Variants in NEURL1 observed in about 807,000 individuals in gnomAD.
The protein encoded by NEURL1 is E3 ubiquitin-protein ligase NEURL1.
Under a neutral mutation model 41.2 loss-of-function variants are expected in NEURL1, and 26 were observed. That is an observed-to-expected ratio of 0.63 (90% confidence interval 0.46 to 0.87). The LOEUF is 0.87. Among genes scored for constraint, NEURL1 ranks in the 40% least tolerant of loss-of-function variants. The pLI is 0.00. For missense variants in NEURL1, 761 were observed against 871.1 expected (o/e 0.87, Z 1.59); for synonymous variants, 400 against 402.3 (o/e 0.99, Z 0.07).
At chr10:103,570,818 G>C (rs1592231520) in intron 1 of NEURL1, 54 bp from the exon 2 acceptor site, 1 of 1,577,092 alleles carries the variant, frequency 6.3e-7, no homozygotes, top group East Asian at 2.2e-5. Flanking sequence ...GGGGACTCTG[G>C]TCTGGCTCTT....
intron 1 of NEURL1, among the ~76,000 whole-genome samples, chr10:103,533,675 T>C (rs1026793584): frequency 1.2e-4 from 18 of 152,178 alleles, no homozygotes; most frequent in African/African-American, 3.4e-4. Flanking sequence ...TAGCTGGGAC[T>C]ACAGGCGCCC....
chr10:103,521,208 G>T (rs1259798546), intron 1 of NEURL1, among the ~76,000 whole-genome samples: 1 of 152,140 alleles, frequency 6.6e-6, no homozygotes, highest in African/African-American at 2.4e-5. Context: ...CAAAGCCCGA[G>T]AAACTGCTTG....
At chr10:103,517,903 C>T (rs540334476) in intron 1 of NEURL1, among the ~76,000 whole-genome samples, 2 of 152,230 alleles carry the variant, frequency 1.3e-5, no homozygotes, top group Non-Finnish European at 2.9e-5. Flanking sequence ...GCTCTGCTCC[C>T]GTGGGCCTCA....
intron 1 of NEURL1, among the ~76,000 whole-genome samples, chr10:103,567,390 C>A (rs1223875772): frequency 6.6e-6 from 1 of 151,916 alleles, no homozygotes; most frequent in Non-Finnish European, 1.5e-5. Context: ...GCTATTAATG[C>A]CTTTTAATTT....
intron 3 of NEURL1, among the ~76,000 whole-genome samples, chr10:103,577,379 T>C (rs1175840154): frequency 6.6e-6 from 1 of 152,208 alleles, no homozygotes; most frequent in African/African-American, 2.4e-5. Context: ...TTGAGTCATG[T>C]ATTGTCCTGC....
intron 3 of NEURL1, among the ~76,000 whole-genome samples, chr10:103,575,933 T>C (rs1482355294): frequency 6.6e-6 from 1 of 152,248 alleles, no homozygotes; most frequent in Non-Finnish European, 1.5e-5. Flanking sequence ...GAAATGTCAA[T>C]TCAGGAAGAG....
chr10:103,511,342 T>C (rs1402041670), intron 1 of NEURL1, among the ~76,000 whole-genome samples: 2 of 152,138 alleles, frequency 1.3e-5, no homozygotes, highest in Non-Finnish European at 2.9e-5. Flanking sequence ...CTGAGAGGCC[T>C]GGGGGTCCCA....
chr10:103,582,227 A>G (rs1428132651), intron 3 of NEURL1, among the ~76,000 whole-genome samples: 1 of 152,024 alleles, frequency 6.6e-6, no homozygotes, highest in Non-Finnish European at 1.5e-5. Flanking sequence ...TGAAGTTCCC[A>G]AGGGTCAGTG....
At chr10:103,570,730 TG>T (rs2035521851) in intron 1 of NEURL1, 141 bp from the exon 2 acceptor site, 1 of 1,360,344 alleles carries the variant, frequency 7.4e-7, no homozygotes, top group Non-Finnish European at 1.0e-6. Flanking sequence ...AGAAGGATGG[TG>T]GCAAGGGGTG....
At chr10:103,588,833 C>G (rs1029973586) in intron 4 of NEURL1, 1 of 444,398 alleles carries the variant, frequency 2.3e-6, no homozygotes, top group Non-Finnish European at 4.5e-6. Flanking sequence ...ATGATCCCAA[C>G]TACTCAGGAG....
At chr10:103,526,501 G>GTTTTC (rs569357576) in intron 1 of NEURL1, among the ~76,000 whole-genome samples, 103 of 151,658 alleles carry the variant, frequency 6.8e-4, no homozygotes, top group Admixed American at 2.1e-3. Flanking sequence ...TTTCTGCTAG[G>GTTTTC]TTTTCTTTTC....
At chr10:103,555,173 C>G in intron 1 of NEURL1, 1 of 364,984 alleles carries the variant, frequency 2.7e-6, no homozygotes, top group Non-Finnish European at 3.8e-6. Flanking sequence ...GCGCGTGTGG[C>G]CGGCTGGCCG....
intron 1 of NEURL1, among the ~76,000 whole-genome samples, chr10:103,550,225 G>A (rs2035005923): frequency 6.6e-6 from 1 of 152,328 alleles, no homozygotes; most frequent in South Asian, 2.1e-4. Context: ...GACCATCATG[G>A]AAACCAAGAT....
chr10:103,494,459 C>A lies in NEURL1; in HGVS notation c.72C>A (p.Pro24=), dbSNP rs1315964721. ...GNPSRAPRGH[P]QNLKDSIGGP... ...CGAGCCGCGCGCCGCGGGGCCACCC[C>A]CAGAACCTCAAAGGTAGGCTCCCCG... is the stretch of plus-strand genomic sequence containing the variant. Residue 24 remains proline, a synonymous_variant, in exon 1 of 6, where the codon CCC becomes CCA. Coordinates refer to ENST00000369780, the MANE Select transcript of NEURL1 (RefSeq NM_004210.5). 6.3e-7 allele frequency: 1 copy of A among 1,588,784 alleles called. No individual in the cohort carries two copies. Among genetic ancestry groups the A allele is most frequent in the South Asian group, 1.1e-5 (1 of 87,632 alleles).
At chr10:103,582,309 C>G (rs534744030) in intron 3 of NEURL1, among the ~76,000 whole-genome samples, 3 of 152,202 alleles carry the variant, frequency 2.0e-5, no homozygotes, top group Non-Finnish European at 4.4e-5. Context: ...GGCTTTCCCC[C>G]ACTCTGCACC....
intron 1 of NEURL1, among the ~76,000 whole-genome samples, chr10:103,517,661 A>C (rs2034247722): frequency 6.6e-6 from 1 of 152,238 alleles, no homozygotes; most frequent in African/African-American, 2.4e-5. Flanking sequence ...ATCAGAAGTC[A>C]ATGTACTGTT....
chr10:103,528,444 A>G (rs1341015193), intron 1 of NEURL1, among the ~76,000 whole-genome samples: 1 of 151,820 alleles, frequency 6.6e-6, no homozygotes, highest in Non-Finnish European at 1.5e-5. Context: ...CTGAGACAGG[A>G]GAATCGCTTG....
intron 1 of NEURL1, among the ~76,000 whole-genome samples, chr10:103,520,394 C>T (rs994405228): frequency 2.1e-4 from 32 of 152,128 alleles, no homozygotes; most frequent in African/African-American, 7.2e-4. Flanking sequence ...TTTTCTCTTG[C>T]AGGCAGGGGC....
intron 1 of NEURL1, among the ~76,000 whole-genome samples, chr10:103,549,460 C>T (rs2034990182): frequency 6.6e-6 from 1 of 152,194 alleles, no homozygotes; most frequent in South Asian, 2.1e-4. Context: ...CTTCCAGACT[C>T]GAGGCAGCAG....
Sources: allele counts gnomAD v4.1 joint callset (sites outside exome capture counted in the v4.1 genomes callset), GRCh38; gene constraint gnomAD v4.1.1; transcripts MANE v1.5; gene names NCBI Gene and HGNC (gene_info 2026-07-23, HGNC 2026-07-21).